PHACTR3: variants seen among roughly 807,000 people sequenced by gnomAD.
PHACTR3 encodes phosphatase and actin regulator 3.
A neutral mutation model predicts 66.8 loss-of-function variants in PHACTR3; 16 were observed. The observed-to-expected ratio is 0.24, with a 90% CI of 0.16 to 0.36. The LOEUF is 0.36. Ranked by LOEUF, PHACTR3 falls within the 10% of genes least tolerant of loss-of-function variation. The pLI, the probability that PHACTR3 is intolerant of heterozygous loss-of-function variation, is 1.00. For missense variants in PHACTR3, 647 were observed against 719.9 expected (o/e 0.90, Z 1.16); for synonymous variants, 323 against 292.1 (o/e 1.11, Z -1.08).
intron 1 of PHACTR3, among the ~76,000 whole-genome samples, chr20:59,639,540 C>T (rs902220382): frequency 2.6e-5 from 4 of 152,062 alleles, no homozygotes; most frequent in Non-Finnish European, 5.9e-5. Context: ...CTGGGCTGGC[C>T]GATTGAAAGA....
chr20:59,816,587 C>A (rs368657524), intron 8 of PHACTR3, among the ~76,000 whole-genome samples: 1 of 152,222 alleles, frequency 6.6e-6, no homozygotes, highest in Admixed American at 6.5e-5. Flanking sequence ...CATGGCCATC[C>A]TCTGGTTCAA....
intron 4 of PHACTR3, among the ~76,000 whole-genome samples, chr20:59,756,733 T>TA (rs1041770555): frequency 3.3e-5 from 5 of 152,176 alleles, no homozygotes; most frequent in African/African-American, 1.2e-4. Flanking sequence ...GCAGGTTTGT[T>TA]ACATATGTAT....
At chr20:59,781,048 A>G (rs758685996) in intron 7 of PHACTR3, among the ~76,000 whole-genome samples, 6 of 152,148 alleles carry the variant, frequency 3.9e-5, no homozygotes, top group Non-Finnish European at 7.3e-5. Context: ...GCATGAAGCA[A>G]AGTTTAGCTC....
chr20:59,720,574 C>T (rs778286115), intron 1 of PHACTR3, among the ~76,000 whole-genome samples: 1 of 152,170 alleles, frequency 6.6e-6, no homozygotes, highest in Non-Finnish European at 1.5e-5. Context: ...TCATGCAGCC[C>T]GAGGCCTCCT....
At chr20:59,768,580 A>G (rs886602616) in intron 5 of PHACTR3, among the ~76,000 whole-genome samples, 3 of 152,110 alleles carry the variant, frequency 2.0e-5, no homozygotes, top group African/African-American at 7.2e-5. Context: ...CCTAATCCTC[A>G]TTGTGCTTCT....
intron 1 of PHACTR3, among the ~76,000 whole-genome samples, chr20:59,724,525 A>G (rs1339849629): frequency 6.6e-6 from 1 of 152,068 alleles, no homozygotes. Context: ...CATGCTTTGT[A>G]ATACTCTGGT....
chr20:59,710,219 C>A (rs2037861199), intron 1 of PHACTR3, among the ~76,000 whole-genome samples: 1 of 152,150 alleles, frequency 6.6e-6, no homozygotes, highest in Non-Finnish European at 1.5e-5. Context: ...CCCATTTATT[C>A]AGGTATTATA....
intron 10 of PHACTR3, 52 bp downstream of exon 10, chr20:59,840,482 C>T (rs768294768): frequency 1.2e-6 from 2 of 1,604,736 alleles, no homozygotes; most frequent in Non-Finnish European, 1.7e-6. Context: ...TAGAGAACAG[C>T]TGCTTCGGTA....
At position 59,731,781 on chromosome 20, in the gene PHACTR3, A is replaced by G. The variant is rs77692799; in HGVS notation, c.119-11326A>G. ...AGCATCATTGCGTGCAGGGTGCCTTAGACAGCTAGAAGAAGCTTAATGACT... is the reference window on the plus strand; with the variant it reads ...AGCATCATTGCGTGCAGGGTGCCTTGGACAGCTAGAAGAAGCTTAATGACT... On this transcript the variant is annotated intron_variant, in intron 1 of 12. Coordinates refer to ENST00000371015, the MANE Select transcript of PHACTR3 (RefSeq NM_080672.5). Among the ~76,000 whole-genome samples, 289 of 152,306 alleles carry G rather than the reference A, an allele frequency of 1.9e-3. 2 individuals carry two copies. The East Asian group carries it at 0.035, about 18-fold the overall frequency.
intron 1 of PHACTR3, among the ~76,000 whole-genome samples, chr20:59,742,638 A>G (rs113191946): frequency 1.8e-4 from 28 of 152,282 alleles, no homozygotes; most frequent in African/African-American, 6.5e-4. Flanking sequence ...CTGCATAGGT[A>G]GCTTCATGGG....
intron 7 of PHACTR3, among the ~76,000 whole-genome samples, chr20:59,780,148 C>A (rs2146918904): frequency 6.6e-6 from 1 of 152,226 alleles, no homozygotes; most frequent in Non-Finnish European, 1.5e-5. Flanking sequence ...AGGAAGCTGA[C>A]TTCTCCAGAG....
At chr20:59,683,041 G>T (rs909816745) in intron 1 of PHACTR3, among the ~76,000 whole-genome samples, 1 of 152,234 alleles carries the variant, frequency 6.6e-6, no homozygotes, top group South Asian at 2.1e-4. Flanking sequence ...GGCGGGAGAT[G>T]ATGCTAACTG....
chr20:59,703,008 C>G (rs1307003972), intron 1 of PHACTR3, among the ~76,000 whole-genome samples: 1 of 152,180 alleles, frequency 6.6e-6, no homozygotes, highest in Non-Finnish European at 1.5e-5. Context: ...TCAAAGAGAT[C>G]CTCTTTTAAA....
At chr20:59,679,024 G>A (rs1408880231) in intron 1 of PHACTR3, among the ~76,000 whole-genome samples, 1 of 152,190 alleles carries the variant, frequency 6.6e-6, no homozygotes, top group Non-Finnish European at 1.5e-5. Context: ...CGCCGGTCCA[G>A]CACTGCACTT....
At chr20:59,599,512 ACT>A (rs61614747) in intron 1 of PHACTR3, among the ~76,000 whole-genome samples, 2,277 of 151,714 alleles carry the variant, frequency 0.015, 52 homozygotes, top group African/African-American at 0.051. Context: ...TGGGCAGCAG[ACT>A]CTTCCACATC....
At chr20:59,605,224 T>C (rs1258003119) in intron 1 of PHACTR3, 92 bp downstream of exon 1, 4 of 918,772 alleles carry the variant, frequency 4.4e-6, no homozygotes, top group Non-Finnish European at 2.9e-6. Flanking sequence ...GCGCCCCGCC[T>C]GCATTCGGGG....
intron 7 of PHACTR3, among the ~76,000 whole-genome samples, chr20:59,781,732 G>A (rs140998524): frequency 2.6e-5 from 4 of 152,236 alleles, no homozygotes; most frequent in East Asian, 1.9e-4. Context: ...AAGGTGACCC[G>A]AGAGAGTGAC....
At chr20:59,810,888 G>A (rs1490136409) in intron 8 of PHACTR3, among the ~76,000 whole-genome samples, 1 of 152,194 alleles carries the variant, frequency 6.6e-6, no homozygotes, top group Non-Finnish European at 1.5e-5. Flanking sequence ...CGGTAGGTGT[G>A]CACTGGAAAT....
intron 1 of PHACTR3, among the ~76,000 whole-genome samples, chr20:59,578,939 T>A (rs1252741506): frequency 6.6e-6 from 1 of 152,116 alleles, no homozygotes; most frequent in Non-Finnish European, 1.5e-5. Context: ...AGTGCTGAGC[T>A]CCCAGGGTGG....
Sources: gnomAD v4.1 joint callset for allele counts (sites outside exome capture counted in the v4.1 genomes callset) on GRCh38, gnomAD v4.1.1 for gene constraint, MANE v1.5 for transcripts, NCBI Gene and HGNC (gene_info 2026-07-23, HGNC 2026-07-21) for gene names.